GPR149: variants seen among roughly 807,000 people sequenced by gnomAD.
GPR149 encodes probable G protein-coupled receptor 149.
GPR149 carries 50 observed loss-of-function variants against 50.2 expected under a neutral mutation model. The ratio of observed to expected loss-of-function variants is 1.00; its 90% CI spans 0.79 to 1.26. The LOEUF is 1.26. Among genes scored for constraint, GPR149 ranks in the 50% most tolerant of loss-of-function variants. The pLI, the probability that GPR149 is intolerant of heterozygous loss-of-function variation, is 0.00. For missense variants in GPR149, 983 were observed against 895.4 expected (o/e 1.10, Z -1.25); for synonymous variants, 405 against 358.2 (o/e 1.13, Z -1.48).
At chr3:154,385,704 C>CTTTT (rs5853692) in intron 3 of GPR149, among the ~76,000 whole-genome samples, 1 of 136,146 alleles carries the variant, frequency 7.3e-6, no homozygotes, top group Non-Finnish European at 1.6e-5. Flanking sequence ...TTCTTTCTTT[C>CTTTT]TTTTTTTTTT....
At chr3:154,397,675 T>C (rs931378027) in intron 3 of GPR149, among the ~76,000 whole-genome samples, 1 of 152,154 alleles carries the variant, frequency 6.6e-6, no homozygotes, top group Admixed American at 6.5e-5. Flanking sequence ...TTTTCTGACT[T>C]GCATGCTATA....
intron 3 of GPR149, among the ~76,000 whole-genome samples, chr3:154,415,081 T>A (rs191182188): frequency 6.6e-6 from 1 of 152,082 alleles, no homozygotes; most frequent in Non-Finnish European, 1.5e-5. Context: ...GGTCATGTAT[T>A]AGTTCACAAT....
chr3:154,352,950 T>G (rs1714118747), intron 3 of GPR149: 1 of 939,994 alleles, frequency 1.1e-6, no homozygotes, highest in East Asian at 2.4e-5. Context: ...AGGAGAATGT[T>G]GAATCACCAG....
intron 3 of GPR149, among the ~76,000 whole-genome samples, chr3:154,339,357 A>T (rs77290588): frequency 6.6e-6 from 1 of 152,232 alleles, no homozygotes; most frequent in Admixed American, 6.5e-5. Flanking sequence ...TAGTCCAGAA[A>T]AAAAGGGGTA....
intron 3 of GPR149, among the ~76,000 whole-genome samples, chr3:154,417,411 C>T (rs1400972260): frequency 6.6e-6 from 1 of 151,952 alleles, no homozygotes; most frequent in Non-Finnish European, 1.5e-5. Context: ...GATATTCTCA[C>T]TCCTACCAGG....
Position 154,362,454 on chromosome 3 carries a change from A to G in GPR149, c.1624-24183T>C, listed in dbSNP as rs150404035. ...GTCAGAATTACAACTAAAGAAGCCA[A>G]TAAGCATTTTTGTTAGCTGAAACAC... On this transcript the variant is annotated intron_variant, in intron 3 of 3. Transcript: ENST00000389740. Among the ~76,000 whole-genome samples the G allele has an allele frequency of 1.3e-3, 202 of 152,306 alleles. 1 individual carries two copies. Among genetic ancestry groups the G allele is most frequent in the African/African-American group, 4.8e-3 (199 of 41,584 alleles).
chr3:154,400,188 G>T (rs1440786184), intron 3 of GPR149, among the ~76,000 whole-genome samples: 1 of 151,848 alleles, frequency 6.6e-6, no homozygotes, highest in Admixed American at 6.6e-5. Flanking sequence ...GGGTTTCACC[G>T]TGTTAGCCAG....
chr3:154,370,127 G>A (rs2108400360), intron 3 of GPR149, among the ~76,000 whole-genome samples: 1 of 152,282 alleles, frequency 6.6e-6, no homozygotes, highest in East Asian at 1.9e-4. Context: ...TTTCTAGAAA[G>A]GCTAAGGGAG....
At chr3:154,370,244 C>T (rs966853077) in intron 3 of GPR149, among the ~76,000 whole-genome samples, 6 of 151,938 alleles carry the variant, frequency 3.9e-5, no homozygotes, top group African/African-American at 1.5e-4. Context: ...TGCTTTAGGC[C>T]CAGAACAAAA....
chr3:154,354,672 T>G, intron 3 of GPR149: 1 of 292,480 alleles, frequency 3.4e-6, no homozygotes, highest in Non-Finnish European at 6.2e-6. Context: ...AGCCCCTCGG[T>G]GCTCAGCAAA....
chr3:154,397,581 G>T (rs988550148), intron 3 of GPR149, among the ~76,000 whole-genome samples: 2 of 151,914 alleles, frequency 1.3e-5, no homozygotes, highest in Non-Finnish European at 2.9e-5. Context: ...ATGTTCTTGA[G>T]ATTATTTCCA....
At chr3:154,417,733 G>A (rs901649366) in intron 3 of GPR149, among the ~76,000 whole-genome samples, 4 of 151,902 alleles carry the variant, frequency 2.6e-5, no homozygotes, top group Admixed American at 6.6e-5. Context: ...AGCAAAAAAC[G>A]GCACTGGGAA....
intron 3 of GPR149, chr3:154,352,750 G>C (rs955993279): frequency 1.8e-5 from 14 of 790,378 alleles, no homozygotes; most frequent in Non-Finnish European, 3.3e-5. Context: ...AAACCTGATG[G>C]TATCCATGCT....
chr3:154,383,493 C>A (rs1394322431), intron 3 of GPR149, among the ~76,000 whole-genome samples: 3 of 152,072 alleles, frequency 2.0e-5, no homozygotes. Flanking sequence ...ACACTGCTTG[C>A]CATATCGAAG....
chr3:154,396,421 G>A (rs1173706942), intron 3 of GPR149, among the ~76,000 whole-genome samples: 3 of 152,052 alleles, frequency 2.0e-5, no homozygotes, highest in African/African-American at 7.2e-5. Flanking sequence ...GGCTTAAAAT[G>A]TTTCTGTCTG....
chr3:154,346,606 C>CTT (rs531660881), intron 3 of GPR149, among the ~76,000 whole-genome samples: 1,685 of 143,880 alleles, frequency 0.012, 29 homozygotes, highest in African/African-American at 0.041. Flanking sequence ...TTTTCTTTTT[C>CTT]TTTTTTTTTT....
At chr3:154,406,378 A>AT (rs1275341401) in intron 3 of GPR149, among the ~76,000 whole-genome samples, 2 of 152,196 alleles carry the variant, frequency 1.3e-5, no homozygotes, top group Non-Finnish European at 2.9e-5. Context: ...GCAAAACTAC[A>AT]TTTTTTATTT....
rs745749273 is a variant in GPR149 at position 154,428,840 on chromosome 3, G to C, written c.776C>G (p.Pro259Arg). The change falls in exon 1 of 4, where the codon CCG becomes CGG. Residue 259 changes from proline to arginine, a missense_variant. Pro to Arg is a moderately radical substitution (Grantham distance 103). Transcript: ENST00000389740. ...GCATCCCCCAGAGCGCCGCAGACTCGGGCCTGGAGCATCCTCTGGGGACAG... is the reference window on the plus strand; with the variant it reads ...GCATCCCCCAGAGCGCCGCAGACTCCGGCCTGGAGCATCCTCTGGGGACAG... ...VSLSPEDAPGPSLRRSGGCSP... is the reference protein window; with the variant it reads ...VSLSPEDAPGRSLRRSGGCSP... 1.2e-6 allele frequency: 2 copies of C among 1,613,540 alleles called. No individual in the cohort carries two copies. Among genetic ancestry groups the C allele is most frequent in the African/African-American group, 2.7e-5 (2 of 74,882 alleles).
chr3:154,413,227 T>C (rs1304408682), intron 3 of GPR149, among the ~76,000 whole-genome samples: 2 of 151,996 alleles, frequency 1.3e-5, no homozygotes, highest in African/African-American at 4.8e-5. Context: ...AAAACCCTTC[T>C]AGACATTGGG....
Sources: gnomAD v4.1 joint callset for allele counts (sites outside exome capture counted in the v4.1 genomes callset) on GRCh38, gnomAD v4.1.1 for gene constraint, MANE v1.5 for transcripts, NCBI Gene and HGNC (gene_info 2026-07-23, HGNC 2026-07-21) for gene names.